The following GRHPR variants were observed in gnomAD, a reference collection of about 807,000 sequenced individuals.
The protein encoded by GRHPR is glyoxylate and hydroxypyruvate reductase, also known as glyoxylate reductase/hydroxypyruvate reductase.
Under a neutral mutation model 36.8 loss-of-function variants are expected in GRHPR, and 35 were observed. The observed-to-expected ratio is 0.95, with a 90% CI of 0.73 to 1.26. The LOEUF (loss-of-function observed/expected upper bound fraction) is 1.26. Among genes scored for constraint, GRHPR ranks in the 50% most tolerant of loss-of-function variants. GRHPR has a pLI of 0.00. For missense variants in GRHPR, 380 were observed against 435.0 expected (o/e 0.87, Z 1.12); for synonymous variants, 179 against 181.0 (o/e 0.99, Z 0.09).
chr9:37,426,623 C>G lies in GRHPR; in HGVS notation c.373C>G (p.Arg125Gly). The G allele has an allele frequency of 6.2e-7, 1 of 1,612,880 alleles. No individual in the cohort carries two copies. The highest frequency in any genetic ancestry group is 8.5e-7 in the Non-Finnish European group (1 of 1,178,894). The change falls in exon 4 of 9, where the codon CGG becomes GGG. Residue 125 changes from arginine to glycine, a missense_variant. By Grantham distance (125) the Arg-to-Gly change is moderately radical. Transcript: ENST00000318158. ...AVSLLLTTCR[R>G]LPEAIEEVKN... Reference sequence around the variant, plus strand: ...CTCCCTGCTACTTACCACCTGCCGCCGGTTGCCGGAGGCCATCGAGGAAGT... The same window carrying G: ...CTCCCTGCTACTTACCACCTGCCGCGGGTTGCCGGAGGCCATCGAGGAAGT...
At position 37,436,510 on chromosome 9, in the gene GRHPR, T is replaced by C; in HGVS notation, c.866-151T>C. On this transcript the variant is annotated intron_variant, in intron 8 of 8. Transcript: ENST00000318158. Reference sequence around the variant, plus strand: ...CTCAGCTCTGGGGGAGTGTCAAGCTTAGTGAAGGTGGGAGAGAAGGCAAAG... The same window carrying C: ...CTCAGCTCTGGGGGAGTGTCAAGCTCAGTGAAGGTGGGAGAGAAGGCAAAG... 3.6e-6 allele frequency: 3 copies of C among 826,914 alleles called. No homozygotes were observed. In the South Asian group the frequency reaches 4.2e-5, roughly 12 times the overall value. The allele number at this position is 826,914 out of a possible 1,614,324, so 51.2% of individuals were successfully genotyped here. A position where few individuals can be genotyped will look rare whatever the true frequency, so the allele number is the denominator to read the frequency against.
intron 7 of GRHPR, 28 bp downstream of exon 7, chr9:37,430,674 G>A: frequency 6.2e-7 from 1 of 1,608,084 alleles, no homozygotes. Flanking sequence ...TACCCAGCAA[G>A]CCTGGAGAGG....
chr9:37,438,004 G>C (rs894761344), downstream of GRHPR: 1 of 152,178 alleles, frequency 6.6e-6, no homozygotes, highest in Non-Finnish European at 1.5e-5. Context: ...TTAATAGAAG[G>C]TTTGGTTTAA....
At chr9:37,424,320 G>A (rs1307623809) in intron 1 of GRHPR, among the ~76,000 whole-genome samples, 4 of 152,248 alleles carry the variant, frequency 2.6e-5, no homozygotes, top group Non-Finnish European at 5.9e-5. Context: ...TGAATTCCAT[G>A]GCAAGGGCCA....
At chr9:37,432,167 C>T (rs776869699) in intron 8 of GRHPR, 29 bp downstream of exon 8, 88 of 1,611,520 alleles carry the variant, frequency 5.5e-5, no homozygotes, top group Non-Finnish European at 5.9e-5. Flanking sequence ...GATGCAAACT[C>T]CCTGCTGCCC....
At chr9:37,433,409 T>C (rs1057073513) in intron 8 of GRHPR, among the ~76,000 whole-genome samples, 1 of 151,958 alleles carries the variant, frequency 6.6e-6, no homozygotes, top group Non-Finnish European at 1.5e-5. Flanking sequence ...AATTTTTGTA[T>C]TTTTAGTAGA....
Position 37,436,646 on chromosome 9 carries a change from C to T in GRHPR, c.866-15C>T, listed in dbSNP as rs1421449371. ...ACCCTTCTTATCTCCCTCTCTCTCT[C>T]TCTCTCCTTTCCAGTGATTCTGCCC... is the stretch of plus-strand genomic sequence containing the variant. On this transcript the variant is annotated splice_polypyrimidine_tract_variant and intron_variant, in intron 8 of 8. Transcript: ENST00000318158. The T allele has an allele frequency of 2.5e-6, 4 of 1,613,934 alleles. No individual in the cohort carries two copies. The highest frequency in any genetic ancestry group is 3.4e-6 in the Non-Finnish European group (4 of 1,179,920).
At position 37,436,852 on chromosome 9, in the gene GRHPR, T is replaced by C; in HGVS notation, c.*70T>C. The C allele has an allele frequency of 6.4e-7, 1 of 1,554,192 alleles. No individual in the cohort carries two copies. The highest frequency in any genetic ancestry group is 8.9e-7 in the Non-Finnish European group (1 of 1,126,122). Reference sequence around the variant, plus strand: ...TATTGTCAGACACACCCAGGCTTGATTTGGATCCACAGGCAGAGCCAAGGG... The same window carrying C: ...TATTGTCAGACACACCCAGGCTTGACTTGGATCCACAGGCAGAGCCAAGGG... On this transcript the variant is annotated 3_prime_UTR_variant, in exon 9 of 9. Coordinates refer to ENST00000318158, the MANE Select transcript of GRHPR (RefSeq NM_012203.2).
In GRHPR at chr9:37,436,653, C is replaced by A. The variant is rs754905846; in HGVS notation, c.866-8C>A. On this transcript the variant is annotated splice_polypyrimidine_tract_variant and splice_region_variant and intron_variant, in intron 8 of 8. Coordinates refer to ENST00000318158, the MANE Select transcript of GRHPR (RefSeq NM_012203.2). ...TTATCTCCCTCTCTCTCTCTCTCTC[C>A]TTTCCAGTGATTCTGCCCCACATTG... is the stretch of plus-strand genomic sequence containing the variant. 2 of 1,604,202 alleles carry A rather than the reference C, an allele frequency of 1.2e-6. No homozygotes were observed. Among genetic ancestry groups the A allele is most frequent in the South Asian group, 2.2e-5 (2 of 90,894 alleles).
intron 3 of GRHPR, 117 bp from the exon 4 acceptor site, chr9:37,426,421 G>C (rs1193225028): frequency 1.2e-6 from 1 of 801,968 alleles, no homozygotes; most frequent in East Asian, 2.4e-5. Context: ...TTATAGTTCT[G>C]AGCTTCCTGG....
In GRHPR at chr9:37,436,839, C is replaced by T; in HGVS notation, c.*57C>T. On this transcript the variant is annotated 3_prime_UTR_variant, in exon 9 of 9. Transcript: ENST00000318158. ...AACCGTGCCCTGGTATTGTCAGACA[C>T]ACCCAGGCTTGATTTGGATCCACAG... is the stretch of plus-strand genomic sequence containing the variant. 6.3e-7 allele frequency: 1 copy of T among 1,595,924 alleles called. No individual in the cohort carries two copies. Among genetic ancestry groups the T allele is most frequent in the South Asian group, 1.1e-5 (1 of 90,486 alleles).
chr9:37,432,399 G>T (rs1312960884), intron 8 of GRHPR: 1 of 406,152 alleles, frequency 2.5e-6, no homozygotes, highest in Non-Finnish European at 4.7e-6. Flanking sequence ...AAAAGAGTGG[G>T]CCAGGCGTGG....
rs1166697964 is a variant in GRHPR, at chr9:37,432,269, G to A, written c.865+131G>A. On this transcript the variant is annotated intron_variant, in intron 8 of 8. Transcript: ENST00000318158. ...AACCCAAAGGGACACACCAGGGATC[G>A]TAAATGTTTATGTTGTCAGTGACAT... The A allele has an allele frequency of 5.1e-5, 40 of 788,900 alleles. No individual in the cohort carries two copies. The East Asian group carries it at 6.6e-4, about 13-fold the overall frequency. 48.9% of individuals were successfully genotyped at this position (788,900 alleles called of 1,614,324 possible). A position where few individuals can be genotyped will look rare whatever the true frequency, so the allele number is the denominator to read the frequency against.
intron 6 of GRHPR, chr9:37,430,056 G>C (rs1823286278): frequency 1.7e-6 from 1 of 598,440 alleles, no homozygotes; most frequent in Non-Finnish European, 3.0e-6. Context: ...GCAGTCCAGG[G>C]CTCCCGTCTT....
In GRHPR at chr9:37,436,523, A is replaced by G. The variant is rs547740304; in HGVS notation, c.866-138A>G. On this transcript the variant is annotated intron_variant, in intron 8 of 8. Transcript: ENST00000318158. ...GAGTGTCAAGCTTAGTGAAGGTGGG[A>G]GAGAAGGCAAAGCATGGAACCATGA... The G allele has an allele frequency of 8.8e-4, 806 of 915,130 alleles. 1 individual carries two copies. The highest frequency in any genetic ancestry group is 1.3e-3 in the Non-Finnish European group (726 of 561,354). 56.7% of individuals were successfully genotyped at this position (915,130 alleles called of 1,614,324 possible).
chr9:37,426,389 C>G (rs907018812), intron 3 of GRHPR, 149 bp from the exon 4 acceptor site: 3 of 752,562 alleles, frequency 4.0e-6, no homozygotes, highest in Admixed American at 1.8e-5. Flanking sequence ...GGAATGAGGA[C>G]TGCCCGTTTT....
rs144579511 is a variant in GRHPR, at chr9:37,423,252, C to G, written c.83+419C>G. The stretch of plus-strand genomic sequence containing the variant: ...GATCGATCGTGGCTTACTGCAGCCT[C>G]GACTTCTTGGGCCCAATCAGTTCTC... On this transcript the variant is annotated intron_variant, in intron 1 of 8. Transcript: ENST00000318158. Among the ~76,000 whole-genome samples, 1,171 of 150,844 alleles carry G rather than the reference C, an allele frequency of 7.8e-3. 13 individuals carry two copies. Among genetic ancestry groups the G allele is most frequent in the African/African-American group, 0.027 (1,089 of 40,978 alleles).
chr9:37,428,776 C>T (rs755488609), intron 5 of GRHPR: 2 of 689,462 alleles, frequency 2.9e-6, no homozygotes, highest in South Asian at 1.5e-5. Context: ...TAAGAACTCA[C>T]CAGGTGATAA....
Position 37,429,124 on chromosome 9 carries a change from C to T in GRHPR, c.493+552C>T, listed in dbSNP as rs1310778297. ...TGTCATCCTGCCTGGTGCAGGGGTG[C>T]GGGTGAGGGTGGAGAGTGTGGAGAA... On this transcript the variant is annotated intron_variant, in intron 5 of 8. Transcript: ENST00000318158. 8 of 274,960 alleles carry T rather than the reference C, an allele frequency of 2.9e-5. No individual in the cohort carries two copies. The East Asian group carries it at 4.5e-4, about 15-fold the overall frequency. The allele number at this position is 274,960 out of a possible 1,614,324, so 17.0% of individuals were successfully genotyped here. A position where few individuals can be genotyped will look rare whatever the true frequency, so the allele number is the denominator to read the frequency against.
Sources: gnomAD v4.1 joint callset for allele counts (sites outside exome capture counted in the v4.1 genomes callset) on GRCh38, gnomAD v4.1.1 for gene constraint, MANE v1.5 for transcripts, NCBI Gene and HGNC (gene_info 2026-07-23, HGNC 2026-07-21) for gene names.